Variants in SHF observed in about 807,000 individuals in gnomAD.
The protein encoded by SHF is Src homology 2 domain containing F.
Under a neutral mutation model 42.4 loss-of-function variants are expected in SHF, and 30 were observed. That is an observed-to-expected ratio of 0.71 (90% CI 0.53 to 0.96). The LOEUF is 0.96. Ranked by LOEUF, SHF falls within the 40% of genes least tolerant of loss-of-function variation. The pLI is 0.00. For synonymous variants in SHF, 264 were observed against 269.9 expected, an observed-to-expected ratio of 0.98 and a Z score of 0.21; for missense variants, 598 against 634.0, an observed-to-expected ratio of 0.94 and a Z score of 0.61.
At position 45,167,808 on chromosome 15, in the gene SHF, T is replaced by G; in HGVS notation, c.*139A>C. ...AGGAGCCCTTTCCCTTTAGAATAAA[T>G]TAAGGAATCTCCAGCTTCTACTGGA... On this transcript the variant is annotated 3_prime_UTR_variant, in exon 7 of 7. Coordinates refer to ENST00000690270, the MANE Select transcript of SHF (RefSeq NM_001394037.1). 1.2e-6 allele frequency: 1 copy of G among 804,796 alleles called. No individual in the cohort carries two copies. The highest frequency in any genetic ancestry group is 1.8e-6 in the Non-Finnish European group (1 of 563,084). The allele number at this position is 804,796 out of a possible 1,614,324, so 49.9% of individuals were successfully genotyped here. A position where few individuals can be genotyped will look rare whatever the true frequency, so the allele number is the denominator to read the frequency against.
At chr15:45,174,290 G>C (rs918459767) in intron 3 of SHF, 1 of 164,422 alleles carries the variant, frequency 6.1e-6, no homozygotes. Flanking sequence ...CTGCTGGACT[G>C]CTAACGAGGT....
In SHF at chr15:45,199,350, C is replaced by A. The variant is rs528505493; in HGVS notation, c.-46-230G>T. On this transcript the variant is annotated intron_variant, in intron 1 of 7. Transcript: ENST00000290894. ...TCCATCAGTGCTCTCGCCCCCACGG[C>A]GCCTAGAACCGGGCCGAGTACACAG... Among the ~76,000 whole-genome samples, 7 of 152,332 alleles carry A rather than the reference C, an allele frequency of 4.6e-5. No individual in the cohort carries two copies. In the East Asian group the frequency reaches 1.4e-3, roughly 29 times the overall value.
intron 2 of SHF, among the ~76,000 whole-genome samples, chr15:45,196,900 CA>C (rs71114317): frequency 0.014 from 1,227 of 87,700 alleles, 12 homozygotes; most frequent in African/African-American, 0.056. Flanking sequence ...GACTCCGTCT[CA>C]AAAAAAAAAA....
exon 1 of SHF, chr15:45,200,825 A>T (rs1218109140): frequency 2.2e-6 from 1 of 456,332 alleles, no homozygotes; most frequent in Non-Finnish European, 4.4e-6. Context: ...TTCAGATAGC[A>T]TGATAGTCAG....
chr15:45,169,992 G>A (rs1283268284), intron 6 of SHF, among the ~76,000 whole-genome samples: 6 of 152,384 alleles, frequency 3.9e-5, no homozygotes, highest in South Asian at 4.1e-4. Flanking sequence ...ATATGCAAAC[G>A]AGGCTCTGGC....
In SHF at chr15:45,186,917, T is replaced by C. The variant is rs368230384; in HGVS notation, c.498+537A>G. On this transcript the variant is annotated intron_variant, in intron 1 of 6. Coordinates refer to ENST00000690270, the MANE Select transcript of SHF (RefSeq NM_001394037.1). The stretch of plus-strand genomic sequence containing the variant: ...CTGTGTCCGCAAGGAGAAACCCGTC[T>C]TCACCTCCTTTCTGGGGCTTCAGCA... Among the ~76,000 whole-genome samples the C allele has an allele frequency of 2.6e-5, 4 of 152,342 alleles. No individual in the cohort carries two copies. The East Asian group carries it at 7.7e-4, about 29-fold the overall frequency.
intron 6 of SHF, chr15:45,170,588 C>T (rs1437367922): frequency 7.2e-6 from 3 of 419,422 alleles, no homozygotes; most frequent in African/African-American, 6.4e-5. Context: ...GTATCAAATC[C>T]AAGAATAGAA....
At chr15:45,197,249 TAAAAAAAAAAAAA>T (rs144408027) in intron 2 of SHF, among the ~76,000 whole-genome samples, 2 of 122,664 alleles carry the variant, frequency 1.6e-5, no homozygotes, top group Non-Finnish European at 3.3e-5. Flanking sequence ...ACCTTGTCTC[TAAAAAAAAAAAAA>T]AAAAAAAAAG....
chr15:45,173,214 G>A (rs1037659670), intron 4 of SHF, among the ~76,000 whole-genome samples: 2 of 152,154 alleles, frequency 1.3e-5, no homozygotes, highest in Non-Finnish European at 2.9e-5. Context: ...CCAGATGCAA[G>A]GTCAGATCTG....
At chr15:45,178,533 T>TC (rs1897951930) in intron 1 of SHF, among the ~76,000 whole-genome samples, 1 of 113,894 alleles carries the variant, frequency 8.8e-6, no homozygotes, top group Non-Finnish European at 2.0e-5. Context: ...TTTCCTTCTT[T>TC]CTTTTTTTTT....
In SHF at chr15:45,187,511, C is replaced by T; in HGVS notation, c.441G>A (p.Gly147=). Residue 147 remains glycine (G), a synonymous_variant, in exon 1 of 7, where the codon GGG becomes GGA. Transcript: ENST00000690270. ...GCTCATCAGCAGGCGGCGCCGGGGG[C>T]CCCGGGGTCTCGACCCGAATAAGGC... is the stretch of plus-strand genomic sequence containing the variant. The part of the protein sequence containing the change: ...PHRLIRVETP[G]PPAPPADERI... 1 of 1,232,054 alleles carries T rather than the reference C, an allele frequency of 8.1e-7. No individual in the cohort carries two copies. The highest frequency in any genetic ancestry group is 1.0e-6 in the Non-Finnish European group (1 of 987,892). The allele number at this position is 1,232,054 out of a possible 1,614,324, so 76.3% of individuals were successfully genotyped here. A position where few individuals can be genotyped will look rare whatever the true frequency, so the allele number is the denominator to read the frequency against.
chr15:45,182,963 T>C (rs951529686), intron 1 of SHF, among the ~76,000 whole-genome samples: 5 of 152,222 alleles, frequency 3.3e-5, no homozygotes, highest in African/African-American at 1.2e-4. Context: ...ATTACAGACA[T>C]GCAGTAGATC....
intron 1 of SHF, among the ~76,000 whole-genome samples, chr15:45,180,582 A>G (rs1473292958): frequency 1.3e-5 from 2 of 152,196 alleles, no homozygotes; most frequent in Non-Finnish European, 2.9e-5. Flanking sequence ...ACCTTGGATC[A>G]CTTTGTTACC....
chr15:45,175,519 CT>C, intron 2 of SHF, 94 bp from the exon 3 acceptor site: 1 of 1,303,334 alleles, frequency 7.7e-7, no homozygotes, highest in Non-Finnish European at 1.1e-6. Flanking sequence ...GCCAGGCCTC[CT>C]TCAGAGGAGA....
intron 1 of SHF, among the ~76,000 whole-genome samples, chr15:45,185,255 A>G (rs552354256): frequency 1.3e-5 from 2 of 152,214 alleles, no homozygotes; most frequent in Non-Finnish European, 2.9e-5. Flanking sequence ...GGCCTGAGAG[A>G]AGGAGGAACA....
intron 1 of SHF, 74 bp from the exon 2 acceptor site, chr15:45,178,380 C>T (rs1897939736): frequency 6.5e-7 from 1 of 1,534,768 alleles, no homozygotes; most frequent in Middle Eastern, 1.9e-4. Context: ...GGTACTCTGT[C>T]CATGGGAGCA....
intron 6 of SHF, chr15:45,170,631 T>G (rs917819632): frequency 9.3e-6 from 3 of 322,082 alleles, no homozygotes; most frequent in Non-Finnish European, 1.7e-5. Flanking sequence ...CGGCACTTTT[T>G]CTATTATCTT....
At chr15:45,177,755 T>C (rs1897894223) in intron 2 of SHF, among the ~76,000 whole-genome samples, 1 of 152,214 alleles carries the variant, frequency 6.6e-6, no homozygotes, top group African/African-American at 2.4e-5. Context: ...CCTCACTCTT[T>C]GGACTACTTG....
chr15:45,200,429 C>T, intron 1 of SHF: 2 of 235,578 alleles, frequency 8.5e-6, no homozygotes, highest in Non-Finnish European at 1.8e-5. Context: ...GACTCGGATT[C>T]GAACCGAGGT....
Sources: allele counts gnomAD v4.1 joint callset (sites outside exome capture counted in the v4.1 genomes callset), GRCh38; gene constraint gnomAD v4.1.1; transcripts MANE v1.5; gene names NCBI Gene and HGNC (gene_info 2026-07-23, HGNC 2026-07-21).